The following NRG1 variants were observed in gnomAD, a reference collection of about 807,000 sequenced individuals.
The protein encoded by NRG1 is pro-neuregulin-1, membrane-bound isoform.
In NRG1, 18 loss-of-function variants were observed where a neutral mutation model predicts 63.8. The observed-to-expected ratio is 0.28, with a 90% CI of 0.19 to 0.42. NRG1 has a LOEUF of 0.42. Among genes scored for constraint, NRG1 ranks in the 10% least tolerant of loss-of-function variants. NRG1 has a pLI of 1.00. For missense variants in NRG1, 762 were observed against 814.7 expected, an observed-to-expected ratio of 0.94 and a Z score of 0.79; for synonymous variants, 302 against 301.3, an observed-to-expected ratio of 1.00 and a Z score of -0.02.
chr8:32,392,878 A>T (rs1397137459), intron 1 of NRG1, among the ~76,000 whole-genome samples: 3 of 133,812 alleles, frequency 2.2e-5, no homozygotes, highest in Non-Finnish European at 4.9e-5. Context: ...GTCCAGAAGG[A>T]TGCTCAAGTG....
At chr8:32,702,874 T>G (rs1815326308) in intron 5 of NRG1, among the ~76,000 whole-genome samples, 1 of 152,196 alleles carries the variant, frequency 6.6e-6, no homozygotes, top group Non-Finnish European at 1.5e-5. Context: ...CTGTTTAGAC[T>G]GTTTTTATTG....
chr8:32,145,257 T>C (rs1836746738), intron 1 of NRG1, among the ~76,000 whole-genome samples: 1 of 152,180 alleles, frequency 6.6e-6, no homozygotes, highest in South Asian at 2.1e-4. Flanking sequence ...AATTGCTTGG[T>C]TGTTTTCTGA....
chr8:32,744,817 T>C (rs558789997), intron 7 of NRG1, among the ~76,000 whole-genome samples: 64 of 152,298 alleles, frequency 4.2e-4, no homozygotes, highest in African/African-American at 1.5e-3. Flanking sequence ...TATTTTCAAC[T>C]TCTCTTTTAG....
chr8:31,764,854 G>A (rs990359403), intron 1 of NRG1, among the ~76,000 whole-genome samples: 1 of 149,890 alleles, frequency 6.7e-6, no homozygotes, highest in African/African-American at 2.4e-5. Context: ...TCGTCATCTA[G>A]CATTAGGTAT....
intron 1 of NRG1, among the ~76,000 whole-genome samples, chr8:31,927,809 G>A (rs1437106246): frequency 6.6e-6 from 1 of 150,816 alleles, no homozygotes; most frequent in East Asian, 1.9e-4. Context: ...CCAAAGTTGA[G>A]GAATTTGTCC....
chr8:32,719,104 A>G (rs545548006), intron 5 of NRG1, among the ~76,000 whole-genome samples: 1 of 152,262 alleles, frequency 6.6e-6, no homozygotes, highest in African/African-American at 2.4e-5. Flanking sequence ...AATCTCCCCT[A>G]GAGTTTCACT....
intron 1 of NRG1, among the ~76,000 whole-genome samples, chr8:32,094,851 A>C (rs1463645204): frequency 6.6e-6 from 1 of 152,058 alleles, no homozygotes; most frequent in Non-Finnish European, 1.5e-5. Flanking sequence ...AAGAAAAAAA[A>C]AATAGCCCAG....
At chr8:31,908,700 TA>T (rs1832713687) in intron 1 of NRG1, among the ~76,000 whole-genome samples, 1 of 152,214 alleles carries the variant, frequency 6.6e-6, no homozygotes, top group African/African-American at 2.4e-5. Flanking sequence ...GCCAAAATAT[TA>T]TATCATCAAA....
At chr8:32,580,209 C>A (rs1340310639) in intron 1 of NRG1, among the ~76,000 whole-genome samples, 10 of 152,216 alleles carry the variant, frequency 6.6e-5, no homozygotes, top group African/African-American at 1.9e-4. Flanking sequence ...ATGTTAGTAT[C>A]CTTAATCTCA....
At chr8:32,219,939 A>G (rs1845634700) in intron 1 of NRG1, among the ~76,000 whole-genome samples, 1 of 152,198 alleles carries the variant, frequency 6.6e-6, no homozygotes, top group Non-Finnish European at 1.5e-5. Context: ...TGAATGTTCA[A>G]TGAGGCGTTC....
intron 1 of NRG1, among the ~76,000 whole-genome samples, chr8:32,299,207 C>T (rs1023560011): frequency 6.6e-6 from 1 of 151,894 alleles, no homozygotes; most frequent in Admixed American, 6.6e-5. Flanking sequence ...GATGTTTTTC[C>T]AGTATGTTTT....
chr8:31,915,024 CA>C (rs1225599779), intron 1 of NRG1, among the ~76,000 whole-genome samples: 8 of 151,436 alleles, frequency 5.3e-5, no homozygotes, highest in African/African-American at 1.5e-4. Flanking sequence ...TTGTTTGGGA[CA>C]TTTTTTGTAA....
chr8:32,424,078 G>A (rs527741016), intron 1 of NRG1, among the ~76,000 whole-genome samples: 20 of 152,238 alleles, frequency 1.3e-4, no homozygotes, highest in Middle Eastern at 6.8e-3. Flanking sequence ...GGGTACATTC[G>A]GCTGACTTGG....
At chr8:31,815,180 G>T (rs1436676934) in intron 1 of NRG1, among the ~76,000 whole-genome samples, 1 of 152,064 alleles carries the variant, frequency 6.6e-6, no homozygotes, top group African/African-American at 2.4e-5. Flanking sequence ...AGAATCCATT[G>T]CCATAGCTCC....
At chr8:32,225,961 T>C (rs976473086) in intron 1 of NRG1, among the ~76,000 whole-genome samples, 1 of 152,192 alleles carries the variant, frequency 6.6e-6, no homozygotes, top group African/African-American at 2.4e-5. Context: ...CTTCCATGGT[T>C]TGATTCTCTC....
chr8:32,249,206 G>T (rs1216518764), intron 1 of NRG1, among the ~76,000 whole-genome samples: 1 of 152,014 alleles, frequency 6.6e-6, no homozygotes, highest in Admixed American at 6.6e-5. Flanking sequence ...AGCCTCCTGA[G>T]TAGCTAAGGT....
chr8:31,859,640 G>A (rs1828283531), intron 1 of NRG1, among the ~76,000 whole-genome samples: 1 of 152,162 alleles, frequency 6.6e-6, no homozygotes, highest in African/African-American at 2.4e-5. Flanking sequence ...CAAGGTGAGG[G>A]ATATCTGCAT....
chr8:32,450,386 G>C (rs1820801489), intron 1 of NRG1, among the ~76,000 whole-genome samples: 1 of 151,898 alleles, frequency 6.6e-6, no homozygotes, highest in Admixed American at 6.6e-5. Context: ...CTGCACTCCT[G>C]CCTGGGTGAC....
At chr8:32,576,978 C>T (rs920756716) in intron 1 of NRG1, among the ~76,000 whole-genome samples, 4 of 152,116 alleles carry the variant, frequency 2.6e-5, no homozygotes, top group Non-Finnish European at 5.9e-5. Context: ...CTCCTTCCCT[C>T]CCTGCTCTAG....
Sources: allele counts gnomAD v4.1 joint callset (sites outside exome capture counted in the v4.1 genomes callset), GRCh38; gene constraint gnomAD v4.1.1; transcripts MANE v1.5; gene names NCBI Gene and HGNC (gene_info 2026-07-23, HGNC 2026-07-21).